FAM81B: variants seen among roughly 807,000 people sequenced by gnomAD.
The protein encoded by FAM81B is protein FAM81B.
FAM81B carries 60 observed loss-of-function variants against 58.7 expected under a neutral mutation model. The ratio of observed to expected loss-of-function variants is 1.02; its 90% CI spans 0.83 to 1.27. The LOEUF (loss-of-function observed/expected upper bound fraction) is 1.27. Ranked by LOEUF, FAM81B falls within the 50% of genes most tolerant of loss-of-function variation. The probability of loss-of-function intolerance (pLI) is 0.00; values close to 1 mark genes in which losing one functional copy is unlikely to be tolerated. For missense variants in FAM81B, 491 were observed against 522.0 expected (o/e 0.94, Z 0.58); for synonymous variants, 189 against 179.6 (o/e 1.05, Z -0.42).
At chr5:95,407,261 T>TACACACAC (rs5869678) in intron 3 of FAM81B, among the ~76,000 whole-genome samples, 4 of 143,658 alleles carry the variant, frequency 2.8e-5, no homozygotes, top group African/African-American at 1.0e-4. Context: ...TGTTCTCTTT[T>TACACACAC]ACACACACAC....
chr5:95,434,988 A>T (rs1266876881), intron 6 of FAM81B, among the ~76,000 whole-genome samples: 4 of 152,252 alleles, frequency 2.6e-5, no homozygotes, highest in Non-Finnish European at 5.9e-5. Flanking sequence ...GGAGACTATG[A>T]CAGAGGTCTG....
chr5:95,391,404 C>A lies in FAM81B; in HGVS notation c.15C>A (p.Phe5Leu). The A allele has an allele frequency of 6.2e-7, 1 of 1,613,282 alleles. No individual in the cohort carries two copies. Among genetic ancestry groups the A allele is most frequent in the Non-Finnish European group, 8.5e-7 (1 of 1,179,550 alleles). Residue 5 changes from phenylalanine (F) to leucine (L), a missense_variant, in exon 1 of 10, where the codon TTC becomes TTA. Physicochemically the swap from Phe to Leu is conservative, Grantham distance 22. Transcript: ENST00000283357. ...CCTTAGTTAGGATGCAATTACAATTCCTTGGTACATTGGCTTCCTCAGAAA... is the reference window on the plus strand; with the variant it reads ...CCTTAGTTAGGATGCAATTACAATTACTTGGTACATTGGCTTCCTCAGAAA... MQLQ[F>L]LGTLASSEKR...
intron 4 of FAM81B, among the ~76,000 whole-genome samples, chr5:95,420,058 A>G (rs1397030912): frequency 1.3e-5 from 2 of 151,698 alleles, no homozygotes; most frequent in Non-Finnish European, 2.9e-5. Context: ...TTAAAACACT[A>G]TTGAGACATC....
intron 3 of FAM81B, among the ~76,000 whole-genome samples, chr5:95,405,875 C>T (rs985422764): frequency 6.6e-6 from 1 of 152,196 alleles, no homozygotes; most frequent in Non-Finnish European, 1.5e-5. Context: ...TGCTTTCCCA[C>T]CCTGTGGACA....
At chr5:95,411,825 G>A (rs140631712) in intron 3 of FAM81B, among the ~76,000 whole-genome samples, 22 of 152,294 alleles carry the variant, frequency 1.4e-4, no homozygotes, top group African/African-American at 5.1e-4. Context: ...CAAAGTCAAT[G>A]TTGTGATAAT....
intron 7 of FAM81B, among the ~76,000 whole-genome samples, chr5:95,441,486 T>G (rs543399548): frequency 7.9e-5 from 12 of 151,998 alleles, no homozygotes; most frequent in Admixed American, 6.5e-4. Flanking sequence ...GGAGAATGGC[T>G]TGAACCCGGG....
At position 95,442,452 on chromosome 5, in the gene FAM81B, C is replaced by A. The variant is rs559002609; in HGVS notation, c.894-4110C>A. Among the ~76,000 whole-genome samples, 92 of 152,288 alleles carry A rather than the reference C, an allele frequency of 6.0e-4. 2 individuals are homozygous for A. The South Asian group carries it at 0.017, about 28-fold the overall frequency. ...TTTATCCCTATCTTAAAGATTAGGA[C>A]ATATAAAATCATGGAGATTAATTTG... On this transcript the variant is annotated intron_variant, in intron 7 of 9. Transcript: ENST00000283357.
intron 7 of FAM81B, among the ~76,000 whole-genome samples, chr5:95,441,631 C>A (rs1480072696): frequency 6.6e-6 from 1 of 151,904 alleles, no homozygotes; most frequent in Non-Finnish European, 1.5e-5. Flanking sequence ...GTTAAATAGG[C>A]AATCTTCCCA....
intron 7 of FAM81B, chr5:95,440,640 A>G: frequency 1.2e-6 from 1 of 850,536 alleles, no homozygotes. Context: ...TGTTCAGACA[A>G]TTATTACTGA....
chr5:95,406,157 C>T (rs1256579322), intron 3 of FAM81B: 2 of 154,364 alleles, frequency 1.3e-5, no homozygotes, highest in Non-Finnish European at 2.9e-5. Flanking sequence ...GCCAACGCAG[C>T]CATCTGATTC....
intron 1 of FAM81B, 114 bp from the exon 2 acceptor site, chr5:95,392,680 C>A: frequency 1.3e-6 from 1 of 774,294 alleles, no homozygotes; most frequent in Non-Finnish European, 2.1e-6. Context: ...TGAAAGCCTC[C>A]CTTTAAGCCA....
intron 3 of FAM81B, among the ~76,000 whole-genome samples, chr5:95,402,811 T>C (rs1762148904): frequency 1.3e-5 from 2 of 152,224 alleles, no homozygotes; most frequent in African/African-American, 4.8e-5. Context: ...GTGTGTGGCA[T>C]TGGTTTCACC....
At chr5:95,428,571 T>A (rs1762912016) in intron 5 of FAM81B, 32 bp from the exon 6 acceptor site, 1 of 1,612,344 alleles carries the variant, frequency 6.2e-7, no homozygotes, top group South Asian at 1.1e-5. Flanking sequence ...TATAAAGGTA[T>A]TGATCCACAC....
At chr5:95,406,283 C>T (rs748702842) in intron 3 of FAM81B, 2 of 154,450 alleles carry the variant, frequency 1.3e-5, no homozygotes, top group South Asian at 2.0e-4. Context: ...TGGAACTGAA[C>T]AGAAGGAATA....
intron 7 of FAM81B, chr5:95,440,654 A>G: frequency 1.1e-6 from 1 of 887,536 alleles, no homozygotes; most frequent in Non-Finnish European, 1.6e-6. Flanking sequence ...TTACTGATCC[A>G]AGGACAGACC....
intron 5 of FAM81B, among the ~76,000 whole-genome samples, chr5:95,420,771 G>A (rs928514487): frequency 6.6e-6 from 1 of 152,176 alleles, no homozygotes; most frequent in Non-Finnish European, 1.5e-5. Flanking sequence ...AATTATAATA[G>A]TCTAATGGGA....
intron 3 of FAM81B, among the ~76,000 whole-genome samples, chr5:95,400,766 G>C (rs752264550): frequency 6.6e-6 from 1 of 152,006 alleles, no homozygotes; most frequent in Admixed American, 6.6e-5. Flanking sequence ...AGGTGGGAGG[G>C]TCAGGAGTCC....
chr5:95,402,758 G>A (rs1386496393), intron 3 of FAM81B, among the ~76,000 whole-genome samples: 5 of 152,174 alleles, frequency 3.3e-5, no homozygotes, highest in Non-Finnish European at 7.3e-5. Context: ...CACCTCACCC[G>A]CAAGAGTGAG....
At chr5:95,430,087 T>C (rs1294885621) in intron 6 of FAM81B, among the ~76,000 whole-genome samples, 2 of 152,190 alleles carry the variant, frequency 1.3e-5, no homozygotes, top group African/African-American at 4.8e-5. Flanking sequence ...TATTGTATAA[T>C]AATTCAATAT....
Sources: allele counts gnomAD v4.1 joint callset (sites outside exome capture counted in the v4.1 genomes callset), GRCh38; gene constraint gnomAD v4.1.1; transcripts MANE v1.5; gene names NCBI Gene and HGNC (gene_info 2026-07-23, HGNC 2026-07-21).